CELF4: variants seen among roughly 807,000 people sequenced by gnomAD.
CELF4 encodes the protein CUGBP Elav-like family member 4, also known as CUG-BP- and ETR-3-like factor 4.
Under a neutral mutation model 59.9 loss-of-function variants are expected in CELF4, and 18 were observed. That is an observed-to-expected ratio of 0.30 (90% CI 0.21 to 0.45). CELF4 has a LOEUF of 0.45. Among genes scored for constraint, CELF4 ranks in the 20% least tolerant of loss-of-function variants. The probability of loss-of-function intolerance (pLI) is 1.00; values close to 1 mark genes in which losing one functional copy is unlikely to be tolerated. For synonymous variants in CELF4, 261 were observed against 267.1 expected, an observed-to-expected ratio of 0.98 and a Z score of 0.22; for missense variants, 456 against 689.0, an observed-to-expected ratio of 0.66 and a Z score of 3.79.
chr18:37,385,117 C>T (rs563574901), intron 2 of CELF4, among the ~76,000 whole-genome samples: 5 of 152,104 alleles, frequency 3.3e-5, no homozygotes, highest in South Asian at 4.2e-4. Flanking sequence ...GAGGCTGAGG[C>T]GGGTGGATCA....
intron 1 of CELF4, among the ~76,000 whole-genome samples, chr18:37,552,720 A>G (rs1418922695): frequency 6.6e-6 from 1 of 152,240 alleles, no homozygotes; most frequent in Non-Finnish European, 1.5e-5. Flanking sequence ...TTGAACTTGA[A>G]CACAAAGGGT....
chr18:37,273,526 A>T (rs1601709538), intron 6 of CELF4: 2 of 1,014,698 alleles, frequency 2.0e-6, no homozygotes, highest in East Asian at 1.9e-4. Flanking sequence ...GCCTCTGCAG[A>T]ACTCACTTAG....
At chr18:37,341,529 G>T (rs562300940) in intron 2 of CELF4, among the ~76,000 whole-genome samples, 2 of 152,244 alleles carry the variant, frequency 1.3e-5, no homozygotes, top group Non-Finnish European at 2.9e-5. Flanking sequence ...GAGGGCATAA[G>T]GGCTTTCCAC....
chr18:37,498,655 G>A (rs1199471784), intron 1 of CELF4, among the ~76,000 whole-genome samples: 1 of 151,948 alleles, frequency 6.6e-6, no homozygotes, highest in Non-Finnish European at 1.5e-5. Context: ...CTACACAGTG[G>A]TAACATGGGA....
At chr18:37,322,934 G>A (rs1270012883) in intron 2 of CELF4, among the ~76,000 whole-genome samples, 3 of 152,216 alleles carry the variant, frequency 2.0e-5, no homozygotes, top group South Asian at 2.1e-4. Flanking sequence ...AGGCCACCAC[G>A]TGGCAGGACA....
chr18:37,312,122 A>AG lies in CELF4; in HGVS notation c.448+9680_448+9681insC, dbSNP rs1202425925. The stretch of plus-strand genomic sequence containing the variant: ...CGAGATTCCGTCTCAAAAAAAAAAA[A>AG]AAAAAAAAGAAAAAAAAAAAAAGAA... On this transcript the variant is annotated intron_variant, in intron 3 of 12. Coordinates refer to ENST00000420428, the MANE Select transcript of CELF4 (RefSeq NM_020180.4). 1.8e-4 allele frequency among the ~76,000 whole-genome samples: 21 copies of AG among 118,050 alleles called. 1 individual carries two copies. The highest frequency in any genetic ancestry group is 5.5e-4 in the African/African-American group (19 of 34,320). The allele number at this position is 118,050 out of a possible 152,430, so 77.4% of individuals were successfully genotyped here.
At chr18:37,550,963 G>A (rs1401238131) in intron 1 of CELF4, among the ~76,000 whole-genome samples, 1 of 152,202 alleles carries the variant, frequency 6.6e-6, no homozygotes, top group East Asian at 1.9e-4. Context: ...CCAACAAGGG[G>A]CAAGGCATTG....
At chr18:37,380,438 C>T (rs1447100724) in intron 2 of CELF4, among the ~76,000 whole-genome samples, 1 of 152,206 alleles carries the variant, frequency 6.6e-6, no homozygotes. Context: ...ACTCTGGCCT[C>T]TGGTACTCCT....
chr18:37,388,906 G>T (rs548827503), intron 2 of CELF4, among the ~76,000 whole-genome samples: 15 of 152,166 alleles, frequency 9.9e-5, no homozygotes, highest in African/African-American at 3.4e-4. Flanking sequence ...GTCATCCATC[G>T]GTTAGTTACC....
intron 1 of CELF4, among the ~76,000 whole-genome samples, chr18:37,523,421 G>T (rs1488599537): frequency 6.6e-6 from 1 of 152,152 alleles, no homozygotes; most frequent in Non-Finnish European, 1.5e-5. Flanking sequence ...TCAGCACCTG[G>T]TACCTGCCAT....
intron 3 of CELF4, among the ~76,000 whole-genome samples, chr18:37,283,044 C>A (rs1602450342): frequency 6.6e-6 from 1 of 152,118 alleles, no homozygotes; most frequent in East Asian, 1.9e-4. Context: ...CCCTCACCTG[C>A]TCTTCCCCGC....
At chr18:37,266,393 C>G in intron 9 of CELF4, 140 bp downstream of exon 9, 1 of 904,788 alleles carries the variant, frequency 1.1e-6, no homozygotes, top group Non-Finnish European at 1.7e-6. Flanking sequence ...AGGGTCTCTG[C>G]CAGCACAGCC....
Position 37,560,507 on chromosome 18 carries a change from C to A in CELF4, c.286+4849G>T, listed in dbSNP as rs376013023. On this transcript the variant is annotated intron_variant, in intron 1 of 12. Coordinates refer to ENST00000420428, the MANE Select transcript of CELF4 (RefSeq NM_020180.4). ...CTATTGATCATTTTCTTTGGTGAAA[C>A]CTGTTTTTTTAAAAAATGCTTTTCT... Among the ~76,000 whole-genome samples the A allele has an allele frequency of 1.4e-4, 22 of 152,194 alleles. No homozygotes were observed. In the East Asian group the frequency reaches 3.7e-3, roughly 25 times the overall value.
At chr18:37,268,271 C>A (rs1029591475) in intron 8 of CELF4, among the ~76,000 whole-genome samples, 1 of 152,114 alleles carries the variant, frequency 6.6e-6, no homozygotes, top group African/African-American at 2.4e-5. Context: ...TCTATTTCCC[C>A]CATGGTAGAG....
rs965395331 is a variant in CELF4 at position 37,318,635 on chromosome 18, C to A, written c.448+3168G>T. Among the ~76,000 whole-genome samples, 15 of 145,684 alleles carry A rather than the reference C, an allele frequency of 1.0e-4. No homozygotes were observed. The East Asian group carries it at 1.8e-3, about 18-fold the overall frequency. ...GGTTTGGCTTTCCCTACACCTCCCCCCCCCCCCACTTTCTACTGCAAGAAG... is the reference window on the plus strand; with the variant it reads ...GGTTTGGCTTTCCCTACACCTCCCCACCCCCCCACTTTCTACTGCAAGAAG... On this transcript the variant is annotated intron_variant, in intron 3 of 12. Transcript: ENST00000420428.
chr18:37,352,870 C>A (rs1455175442), intron 2 of CELF4, among the ~76,000 whole-genome samples: 2 of 152,000 alleles, frequency 1.3e-5, no homozygotes, highest in African/African-American at 4.8e-5. Context: ...CAGAGTGGGA[C>A]GGGGTGGAAC....
At chr18:37,471,645 T>C (rs1056596994) in intron 2 of CELF4, among the ~76,000 whole-genome samples, 1 of 152,050 alleles carries the variant, frequency 6.6e-6, no homozygotes, top group Non-Finnish European at 1.5e-5. Context: ...AGCTCTAAAT[T>C]GCAGTCTGGA....
intron 2 of CELF4, among the ~76,000 whole-genome samples, chr18:37,378,016 C>T (rs902962128): frequency 2.0e-5 from 3 of 152,100 alleles, no homozygotes; most frequent in Admixed American, 1.3e-4. Flanking sequence ...TGCGCCCCTA[C>T]GTCAGAGCTG....
At chr18:37,284,416 G>GCCCCCAAC (rs2094530808) in intron 3 of CELF4, among the ~76,000 whole-genome samples, 6 of 152,302 alleles carry the variant, frequency 3.9e-5, no homozygotes, top group African/African-American at 1.2e-4. Flanking sequence ...CCTGGCCTGG[G>GCCCCCAAC]CCTCCAACCC....
Sources: gnomAD v4.1 joint callset for allele counts (sites outside exome capture counted in the v4.1 genomes callset) on GRCh38, gnomAD v4.1.1 for gene constraint, MANE v1.5 for transcripts, NCBI Gene and HGNC (gene_info 2026-07-23, HGNC 2026-07-21) for gene names.